ZNF69: variants seen among roughly 807,000 people sequenced by gnomAD.
ZNF69 encodes zinc finger protein 69, also known as ZNF3.
ZNF69 carries 47 observed loss-of-function variants against 50.9 expected under a neutral mutation model. The ratio of observed to expected loss-of-function variants is 0.92; its 90% CI spans 0.73 to 1.18. The LOEUF (loss-of-function observed/expected upper bound fraction) is 1.18. Among genes scored for constraint, ZNF69 ranks in the 50% most tolerant of loss-of-function variants. ZNF69 has a pLI of 0.00. For synonymous variants in ZNF69, 216 were observed against 223.1 expected (o/e 0.97, Z 0.29); for missense variants, 717 against 675.1 (o/e 1.06, Z -0.69).
At chr19:11,977,572 C>T in the ZNF69 span, 1 of 1,127,664 alleles carries the variant, frequency 8.9e-7, no homozygotes, top group Admixed American at 2.6e-5. Flanking sequence ...CATATATTTA[C>T]ATGTGACTAA....
the ZNF69 span, among the ~76,000 whole-genome samples, chr19:11,974,609 G>T: frequency 6.8e-6 from 1 of 146,774 alleles, no homozygotes; most frequent in Non-Finnish European, 1.5e-5. Context: ...GCCTTTTTTT[G>T]GGCGGGGGGG....
the ZNF69 span, among the ~76,000 whole-genome samples, chr19:11,926,283 T>A: frequency 1.3e-5 from 2 of 152,172 alleles, no homozygotes; most frequent in South Asian, 4.1e-4. Flanking sequence ...TGGGAGAGGG[T>A]ATAAGGAGAC....
the ZNF69 span, among the ~76,000 whole-genome samples, chr19:11,933,849 A>G: frequency 2.4e-4 from 34 of 144,370 alleles, 2 homozygotes; most frequent in African/African-American, 7.1e-4. Context: ...CATCTCAGAA[A>G]AAAAAAAAAA....
the ZNF69 span, chr19:11,977,177 A>G: frequency 3.7e-6 from 6 of 1,613,876 alleles, no homozygotes; most frequent in African/African-American, 1.3e-5. Context: ...AAGGATGACA[A>G]TATTCCTTCC....
the ZNF69 span, chr19:11,947,709 C>T: frequency 4.2e-6 from 4 of 944,508 alleles, no homozygotes; most frequent in South Asian, 4.9e-5. Flanking sequence ...TCTCAAAAAA[C>T]ATATATTTAA....
At chr19:11,976,448 C>T in the ZNF69 span, among the ~76,000 whole-genome samples, 1 of 149,622 alleles carries the variant, frequency 6.7e-6, no homozygotes, top group Non-Finnish European at 1.5e-5. Context: ...CTCAGCTACT[C>T]AGGAGGTTGA....
chr19:11,924,431 C>CAAAAAA, the ZNF69 span, among the ~76,000 whole-genome samples: 2 of 65,204 alleles, frequency 3.1e-5, no homozygotes, highest in African/African-American at 9.2e-5. Flanking sequence ...GACTCCGTCT[C>CAAAAAA]AAAAAAAAAA....
chr19:11,930,076 G>C, the ZNF69 span, among the ~76,000 whole-genome samples: 9 of 148,000 alleles, frequency 6.1e-5, 3 homozygotes, highest in African/African-American at 2.4e-4. Flanking sequence ...TGTGCCTAGG[G>C]GAGTGGGGCC....
the ZNF69 span, among the ~76,000 whole-genome samples, chr19:11,975,065 G>T: frequency 5.9e-5 from 9 of 151,680 alleles, no homozygotes; most frequent in African/African-American, 2.2e-4. Flanking sequence ...GATGTTTCTT[G>T]CATGTCATAG....
intron 4 of ZNF69, among the ~76,000 whole-genome samples, chr19:11,912,569 T>A (rs1972472737): frequency 6.6e-6 from 1 of 152,118 alleles, no homozygotes; most frequent in Non-Finnish European, 1.5e-5. Flanking sequence ...TTCTTCCACT[T>A]CTTTTCAATA....
downstream of ZNF69, among the ~76,000 whole-genome samples, chr19:11,914,651 C>A (rs1972505626): frequency 1.3e-5 from 2 of 152,164 alleles, no homozygotes; most frequent in Admixed American, 1.3e-4. Flanking sequence ...GGAAAAGTTT[C>A]TTTTATATAT....
At chr19:11,943,459 A>G in the ZNF69 span, among the ~76,000 whole-genome samples, 1 of 152,094 alleles carries the variant, frequency 6.6e-6, no homozygotes, top group Non-Finnish European at 1.5e-5. Context: ...TAACCATATG[A>G]TCCGGTTGAG....
In ZNF69 at chr19:11,897,991, T is replaced by A. The variant is rs561570346; in HGVS notation, c.64-5582T>A. 4.3e-4 allele frequency among the ~76,000 whole-genome samples: 65 copies of A among 152,354 alleles called. 1 individual carries two copies. In the Middle Eastern group the frequency reaches 0.014, roughly 32 times the overall value. On this transcript the variant is annotated intron_variant, in intron 1 of 3. Transcript: ENST00000429654. ...ATAATTATAATTCACTGATAGTTAT[T>A]TCTGTATAGAGTGTGCATTCTAGAA...
chr19:11,903,811 A>C, intron 2 of ZNF69, 94 bp from the exon 3 acceptor site: 1 of 1,603,328 alleles, frequency 6.2e-7, no homozygotes, highest in African/African-American at 1.3e-5. Context: ...TGAATAAATG[A>C]GGTATGGCTG....
intron 1 of ZNF69, among the ~76,000 whole-genome samples, chr19:11,897,574 GAAA>G (rs779720252): frequency 1.8e-5 from 2 of 112,768 alleles, no homozygotes; most frequent in Non-Finnish European, 1.9e-5. Context: ...GACCCTGTTT[GAAA>G]AAAAAAAAAA....
At position 11,906,106 on chromosome 19, in the gene ZNF69, C is replaced by T. The variant is rs1972369478; in HGVS notation, c.*8C>T. ...TATGAGTGTAAGCAATGAGGGAAAG[C>T]CTTCAGATCTGCCTCACACCTTTGA... On this transcript the variant is annotated 3_prime_UTR_variant, in exon 4 of 4. Coordinates refer to ENST00000429654, the MANE Select transcript of ZNF69 (RefSeq NM_001364730.1). 6.2e-7 allele frequency: 1 copy of T among 1,608,750 alleles called. No individual in the cohort carries two copies. Among genetic ancestry groups the T allele is most frequent in the Admixed American group, 1.7e-5 (1 of 58,068 alleles).
At chr19:11,942,060 T>A in the ZNF69 span, among the ~76,000 whole-genome samples, 1 of 152,002 alleles carries the variant, frequency 6.6e-6, no homozygotes, top group African/African-American at 2.4e-5. Context: ...ATGTCCCCTT[T>A]CCTTTGCCCT....
At chr19:11,925,401 C>G in the ZNF69 span, 1 of 1,429,032 alleles carries the variant, frequency 7.0e-7, no homozygotes, top group Non-Finnish European at 9.3e-7. Context: ...CCTCCTTGAG[C>G]AGTTCGGCCC....
At chr19:11,922,931 G>C in the ZNF69 span, among the ~76,000 whole-genome samples, 1 of 151,642 alleles carries the variant, frequency 6.6e-6, no homozygotes, top group Non-Finnish European at 1.5e-5. Flanking sequence ...TCCTGCCTCA[G>C]CCTCCTGAGT....
Sources: gnomAD v4.1 joint callset for allele counts (sites outside exome capture counted in the v4.1 genomes callset) on GRCh38, gnomAD v4.1.1 for gene constraint, MANE v1.5 for transcripts, NCBI Gene and HGNC (gene_info 2026-07-23, HGNC 2026-07-21) for gene names.